The following TGFB2 variants were observed in gnomAD, a reference collection of about 807,000 sequenced individuals.
The protein encoded by TGFB2 is transforming growth factor beta 2.
In TGFB2, 13 loss-of-function variants were observed where a neutral mutation model predicts 42.7. The ratio of observed to expected loss-of-function variants is 0.30; its 90% confidence interval spans 0.20 to 0.48. The LOEUF is 0.48. Among genes scored for constraint, TGFB2 ranks in the 20% least tolerant of loss-of-function variants. TGFB2 has a pLI of 0.99. For missense variants in TGFB2, 390 were observed against 517.5 expected, an observed-to-expected ratio of 0.75 and a Z score of 2.39; for synonymous variants, 193 against 193.6, an observed-to-expected ratio of 1.00 and a Z score of 0.03.
At chr1:218,361,646 G>C (rs568614515) in intron 1 of TGFB2, among the ~76,000 whole-genome samples, 35 of 152,250 alleles carry the variant, frequency 2.3e-4, no homozygotes, top group Non-Finnish European at 5.0e-4. Context: ...CCTTTCTCTG[G>C]TTGTATTCTT....
rs77246858 is a variant in TGFB2 at position 218,426,577 on chromosome 1, T to C, written c.511-7505T>C. The stretch of plus-strand genomic sequence containing the variant: ...ATATCTAATGATTATATATCAGTAA[T>C]GTAATGAAGGTGGCATTCAAACATC... On this transcript the variant is annotated intron_variant, in intron 2 of 6. Coordinates refer to ENST00000366930, the MANE Select transcript of TGFB2 (RefSeq NM_003238.6). Among the ~76,000 whole-genome samples, 558 of 152,318 alleles carry C rather than the reference T, an allele frequency of 3.7e-3. 27 individuals are homozygous for C. The East Asian group carries it at 0.09, about 25-fold the overall frequency.
In TGFB2 at chr1:218,441,563, A is replaced by T. The variant is rs900; in HGVS notation, c.*201A>T. On this transcript the variant is annotated 3_prime_UTR_variant, in exon 7 of 7. Transcript: ENST00000366930. ...TAAAACTGGCATCTGACACAAAAAA[A>T]GTTGAAGGCCTTATTCTACATTTCA... 0.33 allele frequency: 147,815 copies of T among 454,240 alleles called. 27,218 individuals carry two copies. The highest frequency in any genetic ancestry group is 0.71 in the East Asian group (19,636 of 27,658). 28.1% of individuals were successfully genotyped at this position (454,240 alleles called of 1,614,324 possible).
At chr1:218,437,942 A>G (rs903790795) in intron 6 of TGFB2, among the ~76,000 whole-genome samples, 3 of 152,184 alleles carry the variant, frequency 2.0e-5, no homozygotes, top group African/African-American at 7.2e-5. Context: ...GGTAATTAGG[A>G]TATCCATTGC....
intron 4 of TGFB2, 72 bp downstream of exon 4, chr1:218,434,520 C>A (rs1659910184): frequency 6.1e-6 from 6 of 977,328 alleles, no homozygotes; most frequent in South Asian, 3.0e-5. Context: ...GGGATAAAAT[C>A]AGTTTGCATG....
chr1:218,375,886 C>T (rs1370597223), intron 1 of TGFB2, among the ~76,000 whole-genome samples: 1 of 152,080 alleles, frequency 6.6e-6, no homozygotes, highest in African/African-American at 2.4e-5. Flanking sequence ...TGTAACAAAC[C>T]TTCACATCCT....
intron 2 of TGFB2, among the ~76,000 whole-genome samples, chr1:218,424,968 A>T (rs1659573361): frequency 6.6e-6 from 1 of 152,212 alleles, no homozygotes; most frequent in South Asian, 2.1e-4. Flanking sequence ...TTTAACAAGG[A>T]TGGTGACACA....
intron 6 of TGFB2, among the ~76,000 whole-genome samples, chr1:218,440,830 A>T (rs1053328839): frequency 2.6e-5 from 4 of 151,292 alleles, no homozygotes; most frequent in African/African-American, 9.8e-5. Flanking sequence ...GTGTAGAAAT[A>T]AGACCAAATG....
chr1:218,389,756 G>A (rs962681392), intron 1 of TGFB2, among the ~76,000 whole-genome samples: 1 of 152,190 alleles, frequency 6.6e-6, no homozygotes, highest in African/African-American at 2.4e-5. Context: ...GTATTCAGAT[G>A]CAATTGTAGA....
At chr1:218,430,255 A>T (rs1475314586) in intron 2 of TGFB2, among the ~76,000 whole-genome samples, 1 of 151,962 alleles carries the variant, frequency 6.6e-6, no homozygotes, top group Non-Finnish European at 1.5e-5. Context: ...TTAGCCGGGC[A>T]TGGGTGGCGC....
intron 1 of TGFB2, among the ~76,000 whole-genome samples, chr1:218,385,921 C>T (rs1196442273): frequency 6.6e-6 from 1 of 152,106 alleles, no homozygotes; most frequent in Non-Finnish European, 1.5e-5. Context: ...TTCCCCCAAA[C>T]CAGAATAAGT....
rs748018397 is a variant in TGFB2, at chr1:218,346,678, C to CT, written c.-16dup. 45 of 1,560,400 alleles carry CT rather than the reference C, an allele frequency of 2.9e-5. No homozygotes were observed. The highest frequency in any genetic ancestry group is 1.3e-4 in the South Asian group (11 of 83,230). On this transcript the variant is annotated 5_prime_UTR_variant, in exon 1 of 7. Coordinates refer to ENST00000366930, the MANE Select transcript of TGFB2 (RefSeq NM_003238.6). This position sits in a 1 kb window ranked among gnomAD's most constrained non-coding sequence, Gnocchi z 4.9. ...TTTTTATTCTGACTTTTAAAAACAA[C>CT]TTTTTTTTCCACTTTTTTAAAAAAT...
At chr1:218,358,557 T>C (rs551478224) in intron 1 of TGFB2, among the ~76,000 whole-genome samples, 1 of 150,660 alleles carries the variant, frequency 6.6e-6, no homozygotes, top group East Asian at 1.9e-4. Flanking sequence ...TCTTTTTTTT[T>C]TTTTTTTTTG....
chr1:218,420,775 A>G (rs1008924788), intron 2 of TGFB2, among the ~76,000 whole-genome samples: 2 of 152,172 alleles, frequency 1.3e-5, no homozygotes, highest in Non-Finnish European at 2.9e-5. Context: ...AATGTGTAAT[A>G]CTCTGTACTG....
At chr1:218,436,940 G>A (rs1432458926) in intron 5 of TGFB2, among the ~76,000 whole-genome samples, 1 of 152,180 alleles carries the variant, frequency 6.6e-6, no homozygotes, top group East Asian at 1.9e-4. Context: ...GAAAATTGCT[G>A]TTGTACTTCT....
chr1:218,441,164 T>C, intron 6 of TGFB2, 40 bp from the exon 7 acceptor site: 1 of 1,566,342 alleles, frequency 6.4e-7, no homozygotes, highest in Admixed American at 2.1e-5. Context: ...TCATTTTCCG[T>C]CTTTCCCTAT....
intron 2 of TGFB2, among the ~76,000 whole-genome samples, chr1:218,426,526 C>T (rs978280320): frequency 3.3e-5 from 5 of 151,966 alleles, no homozygotes; most frequent in African/African-American, 9.7e-5. Context: ...TTGCTGAAGG[C>T]GATATGTGGG....
chr1:218,374,469 A>T (rs1046851059), intron 1 of TGFB2, among the ~76,000 whole-genome samples: 3 of 152,306 alleles, frequency 2.0e-5, no homozygotes, highest in Admixed American at 2.0e-4. Context: ...CTATGCTCCC[A>T]GTTTCTCCAC....
intron 2 of TGFB2, among the ~76,000 whole-genome samples, chr1:218,426,968 A>T (rs1659643657): frequency 6.6e-6 from 1 of 152,046 alleles, no homozygotes; most frequent in Non-Finnish European, 1.5e-5. Flanking sequence ...TACAATTTCT[A>T]TTTTTATTTT....
chr1:218,348,076 AAAAAAAAG>A (rs949984292), intron 1 of TGFB2, among the ~76,000 whole-genome samples: 2 of 151,434 alleles, frequency 1.3e-5, no homozygotes, highest in African/African-American at 4.9e-5. Flanking sequence ...TTAAAAAAAG[AAAAAAAAG>A]AAAGAAAGAA....
Sources: gnomAD v4.1 joint callset for allele counts (sites outside exome capture counted in the v4.1 genomes callset) on GRCh38, gnomAD v4.1.1 for gene constraint, Gnocchi (gnomAD v3.1) non-coding constraint, MANE v1.5 for transcripts, NCBI Gene and HGNC (gene_info 2026-07-23, HGNC 2026-07-21) for gene names.